ACTR6: variants seen among roughly 807,000 people sequenced by gnomAD.
ACTR6 encodes actin-related protein 6.
In ACTR6, 50 loss-of-function variants were observed where a neutral mutation model predicts 52.5. The ratio of observed to expected loss-of-function variants is 0.95; its 90% confidence interval spans 0.76 to 1.20. ACTR6 has a LOEUF of 1.20. Ranked by LOEUF, ACTR6 falls within the 50% of genes most tolerant of loss-of-function variation. ACTR6 has a pLI of 0.00. For missense variants in ACTR6, 344 were observed against 472.4 expected (o/e 0.73, Z 2.52); for synonymous variants, 135 against 147.2 (o/e 0.92, Z 0.60).
At position 100,223,759 on chromosome 12, in the gene ACTR6, T is replaced by A. The variant is rs2096130120; in HGVS notation, c.1062-27T>A. The A allele has an allele frequency of 1.9e-6, 3 of 1,584,878 alleles. No individual in the cohort carries two copies. In the South Asian group the frequency reaches 3.5e-5, roughly 19 times the overall value. On this transcript the variant is annotated intron_variant, in intron 10 of 10. Transcript: ENST00000188312. ...ATTTCAGTTTTCCTGTAAAATCATC[T>A]GGGTTCATTTATACCTTTATTTTCA...
Position 100,200,868 on chromosome 12 carries a change from T to C in ACTR6, c.17T>C (p.Leu6Pro), listed in dbSNP as rs2096109022. 1 of 1,614,136 alleles carries C rather than the reference T, an allele frequency of 6.2e-7. No homozygotes were observed. The highest frequency in any genetic ancestry group is 8.5e-7 in the Non-Finnish European group (1 of 1,180,008). Residue 6 changes from leucine (L) to proline (P), a missense_variant, in exon 1 of 11, where the codon CTG becomes CCG. By Grantham distance (98) the Leu-to-Pro change is moderately conservative (BLOSUM62 -3). Coordinates refer to ENST00000188312, the MANE Select transcript of ACTR6 (RefSeq NM_022496.5). Reference protein sequence around the residue: MTTLVLDNGAYNAKIG... With the variant: MTTLVPDNGAYNAKIG... Reference sequence around the variant, plus strand: ...GGTGGTGAGATGACGACCTTAGTGCTGGATAATGGAGCTTACAACGCCAAA... The same window carrying C: ...GGTGGTGAGATGACGACCTTAGTGCCGGATAATGGAGCTTACAACGCCAAA...
intron 6 of ACTR6, 95 bp downstream of exon 6, chr12:100,210,446 T>C: frequency 7.5e-7 from 1 of 1,324,564 alleles, no homozygotes; most frequent in South Asian, 1.3e-5. Context: ...AGGCCAGTCA[T>C]TGTGACTCAC....
intron 8 of ACTR6, among the ~76,000 whole-genome samples, chr12:100,216,522 G>C (rs1476209641): frequency 6.6e-6 from 1 of 152,184 alleles, no homozygotes; most frequent in South Asian, 2.1e-4. Context: ...AGGATGTCTA[G>C]TTCTGGCTCT....
intron 10 of ACTR6, among the ~76,000 whole-genome samples, chr12:100,222,300 C>T (rs886657996): frequency 6.1e-5 from 9 of 148,552 alleles, no homozygotes; most frequent in African/African-American, 2.3e-4. Context: ...GCTCTGTTAC[C>T]AGGCTGGAGT....
chr12:100,221,369 CTA>C (rs1165403434), intron 10 of ACTR6, among the ~76,000 whole-genome samples: 1 of 152,046 alleles, frequency 6.6e-6, no homozygotes, highest in Non-Finnish European at 1.5e-5. Context: ...TCTTTTATAG[CTA>C]TGAGATAAAT....
intron 6 of ACTR6, among the ~76,000 whole-genome samples, 165 bp downstream of exon 6, chr12:100,210,516 C>T (rs1001879493): frequency 3.3e-5 from 5 of 151,906 alleles, no homozygotes; most frequent in Non-Finnish European, 7.4e-5. Context: ...GCCAGGAGTT[C>T]GAGACCAGCC....
intron 6 of ACTR6, among the ~76,000 whole-genome samples, chr12:100,210,753 T>G (rs2096119229): frequency 6.6e-6 from 1 of 151,862 alleles, no homozygotes; most frequent in South Asian, 2.1e-4. Context: ...ATGTTGTACA[T>G]TAACATAACT....
chr12:100,205,451 C>A (rs1352383266), intron 2 of ACTR6: 2 of 321,810 alleles, frequency 6.2e-6, no homozygotes, highest in Non-Finnish European at 1.1e-5. Flanking sequence ...ATGTAGTAAA[C>A]CTGCACGTTC....
At chr12:100,219,160 TAAA>T (rs563553340) in intron 9 of ACTR6, among the ~76,000 whole-genome samples, 10 of 117,916 alleles carry the variant, frequency 8.5e-5, no homozygotes, top group Non-Finnish European at 3.6e-5. Flanking sequence ...TTCCTCTCAT[TAAA>T]AAAAAAAAAA....
In ACTR6 at chr12:100,223,858, A is replaced by AAG. The variant is rs2096130204; in HGVS notation, c.1138_1139dup (p.Asp381LysfsTer22). The AAG allele has an allele frequency of 1.2e-6, 2 of 1,612,024 alleles. No homozygotes were observed. The highest frequency in any genetic ancestry group is 4.5e-5 in the East Asian group (2 of 44,680). On this transcript the variant is annotated frameshift_variant, in exon 11 of 11. Coordinates refer to ENST00000188312, the MANE Select transcript of ACTR6 (RefSeq NM_022496.5). LOFTEE classifies it high-confidence loss of function. ...ATGATTTTGAAGATATGGTGGTAAC[A>AAG]AGAGAAGATTACGAAGAAAATGGAC... is the stretch of plus-strand genomic sequence containing the variant.
chr12:100,219,939 T>A, intron 9 of ACTR6, 69 bp from the exon 10 acceptor site: 1 of 1,542,288 alleles, frequency 6.5e-7, no homozygotes, highest in Non-Finnish European at 8.8e-7. Flanking sequence ...CTCATCCACA[T>A]CTTTCCAGAA....
intron 1 of ACTR6, among the ~76,000 whole-genome samples, chr12:100,202,940 G>A (rs2096111099): frequency 6.6e-6 from 1 of 152,216 alleles, no homozygotes; most frequent in African/African-American, 2.4e-5. Context: ...GACTGGTTTC[G>A]TGGAAGACAA....
chr12:100,221,226 C>T (rs1266619352), intron 10 of ACTR6, among the ~76,000 whole-genome samples: 2 of 152,092 alleles, frequency 1.3e-5, no homozygotes, highest in Non-Finnish European at 2.9e-5. Flanking sequence ...TAAAAACTCA[C>T]CCCTAGTGTT....
Position 100,224,276 on chromosome 12 carries a change from T to A in ACTR6, c.*361T>A, listed in dbSNP as rs190541802. 2.3e-4 allele frequency: 37 copies of A among 162,772 alleles called. No homozygotes were observed. The East Asian group carries it at 6.7e-3, about 29-fold the overall frequency. 10.1% of individuals were successfully genotyped at this position (162,772 alleles called of 1,614,324 possible). A position where few individuals can be genotyped will look rare whatever the true frequency, so the allele number is the denominator to read the frequency against. On this transcript the variant is annotated 3_prime_UTR_variant, in exon 11 of 11. Transcript: ENST00000188312. ...CTTAGAAGGTAGTTTTGTGTGACTG[T>A]GACTAAACTATTTTATTTTAAAATG...
chr12:100,220,908 G>A (rs1005355192), intron 10 of ACTR6, among the ~76,000 whole-genome samples: 2 of 151,790 alleles, frequency 1.3e-5, no homozygotes, highest in African/African-American at 4.8e-5. Context: ...GATCATTTGA[G>A]CCCAGGAGGT....
chr12:100,201,697 C>A (rs1227603997), intron 1 of ACTR6, among the ~76,000 whole-genome samples: 1 of 152,238 alleles, frequency 6.6e-6, no homozygotes, highest in African/African-American at 2.4e-5. Flanking sequence ...GTGGTGCGAT[C>A]TCAGCTCACT....
At chr12:100,206,796 G>C (rs1443691168) in intron 3 of ACTR6, among the ~76,000 whole-genome samples, 2 of 149,600 alleles carry the variant, frequency 1.3e-5, no homozygotes, top group Non-Finnish European at 3.0e-5. Flanking sequence ...GGCCTCCTGA[G>C]TAGCTGGGAT....
chr12:100,222,244 C>T (rs955093075), intron 10 of ACTR6, among the ~76,000 whole-genome samples: 2 of 147,524 alleles, frequency 1.4e-5, no homozygotes, highest in African/African-American at 2.5e-5. Flanking sequence ...TGAGCTACTG[C>T]GCCTGGCTTT....
In ACTR6 at chr12:100,212,455, AAGG is replaced by A. The variant is rs2096120582; in HGVS notation, c.680_682del (p.Gly227del). The A allele has an allele frequency of 1.2e-6, 2 of 1,613,444 alleles. No individual in the cohort carries two copies. Among genetic ancestry groups the A allele is most frequent in the Admixed American group, 1.7e-5 (1 of 59,950 alleles). On this transcript the variant is annotated inframe_deletion, in exon 8 of 11. Transcript: ENST00000188312. Reference sequence around the variant, plus strand: ...ATCTCAATTTTGTTTTCCAGGTTGAAAGGAGAAGAAAATACAGTAATGATAGAC... The same window carrying A: ...ATCTCAATTTTGTTTTCCAGGTTGAAAGAAGAAAATACAGTAATGATAGAC...
Sources: allele counts gnomAD v4.1 joint callset (sites outside exome capture counted in the v4.1 genomes callset), GRCh38; gene constraint gnomAD v4.1.1; transcripts MANE v1.5; gene names NCBI Gene and HGNC (gene_info 2026-07-23, HGNC 2026-07-21).